The following CNMD variants were observed in gnomAD, a reference collection of about 807,000 sequenced individuals.
CNMD encodes the protein leukocyte cell-derived chemotaxin 1.
CNMD carries 30 observed loss-of-function variants against 37.5 expected under a neutral mutation model. The ratio of observed to expected loss-of-function variants is 0.80; its 90% CI spans 0.60 to 1.09. The LOEUF (loss-of-function observed/expected upper bound fraction) is 1.09, where lower values mean the gene tolerates loss of function less well. CNMD is among the 50% of genes least tolerant of loss of function. CNMD has a pLI of 0.00. For synonymous variants in CNMD, 167 were observed against 148.2 expected (o/e 1.13, Z -0.92); for missense variants, 398 against 423.9 (o/e 0.94, Z 0.54).
At chr13:52,706,506 G>A (rs1964176485) in intron 6 of CNMD, among the ~76,000 whole-genome samples, 3 of 152,166 alleles carry the variant, frequency 2.0e-5, no homozygotes, top group Admixed American at 2.0e-4. Context: ...TGTAAGTCAT[G>A]TACAAGATTG....
At chr13:52,735,574 A>G (rs1392321941) in intron 2 of CNMD, among the ~76,000 whole-genome samples, 1 of 152,002 alleles carries the variant, frequency 6.6e-6, no homozygotes, top group Admixed American at 6.6e-5. Flanking sequence ...AGGTGCAGGG[A>G]TAGCCAATCT....
intron 4 of CNMD, 21 bp from the exon 5 acceptor site, chr13:52,712,890 A>C (rs1294147767): frequency 6.6e-7 from 1 of 1,522,662 alleles, no homozygotes; most frequent in Admixed American, 2.1e-5. Context: ...AAACGATTGC[A>C]TTTGAGCAAA....
At chr13:52,721,479 GTATCT>G (rs1303189897) in intron 4 of CNMD, among the ~76,000 whole-genome samples, 1 of 152,248 alleles carries the variant, frequency 6.6e-6, no homozygotes, top group East Asian at 1.9e-4. Flanking sequence ...GAAAAGCATA[GTATCT>G]GGGCTGGAAG....
chr13:52,731,060 T>C (rs780084876), intron 3 of CNMD, among the ~76,000 whole-genome samples: 26 of 152,154 alleles, frequency 1.7e-4, no homozygotes, highest in Non-Finnish European at 3.2e-4. Flanking sequence ...ATGTTCACTA[T>C]TTTTCCCTGG....
At chr13:52,705,106 G>C (rs960507920) in intron 6 of CNMD, among the ~76,000 whole-genome samples, 1 of 151,836 alleles carries the variant, frequency 6.6e-6, no homozygotes, top group African/African-American at 2.4e-5. Flanking sequence ...GAAAATTATA[G>C]ATTGAACACC....
In CNMD at chr13:52,703,520, C is replaced by A; in HGVS notation, c.*75G>T. On this transcript the variant is annotated 3_prime_UTR_variant, in exon 7 of 7. Transcript: ENST00000377962. ...AAATATTTTGTGGTCCTATCAGCAT[C>A]AACCTGCCTTAATGCTTCTTTGGTT... The A allele has an allele frequency of 1.9e-6, 2 of 1,038,770 alleles. No homozygotes were observed. Among genetic ancestry groups the A allele is most frequent in the Admixed American group, 1.8e-5 (1 of 55,486 alleles). The allele number at this position is 1,038,770 out of a possible 1,614,324, so 64.3% of individuals were successfully genotyped here. A position where few individuals can be genotyped will look rare whatever the true frequency, so the allele number is the denominator to read the frequency against.
Position 52,703,355 on chromosome 13 carries a change from A to C in CNMD, c.*240T>G, listed in dbSNP as rs1964115185. On this transcript the variant is annotated 3_prime_UTR_variant, in exon 7 of 7. Transcript: ENST00000377962. Reference sequence around the variant, plus strand: ...ACTTATGGCAAAGCAATGCAAATAAAAAATAACAAATAATAAAGGGGTTAT... The same window carrying C: ...ACTTATGGCAAAGCAATGCAAATAACAAATAACAAATAATAAAGGGGTTAT... The C allele has an allele frequency of 2.5e-6, 1 of 400,174 alleles. No individual in the cohort carries two copies. The highest frequency in any genetic ancestry group is 4.5e-6 in the Non-Finnish European group (1 of 223,380). 24.8% of individuals were successfully genotyped at this position (400,174 alleles called of 1,614,324 possible). A position where few individuals can be genotyped will look rare whatever the true frequency, so the allele number is the denominator to read the frequency against.
chr13:52,711,566 GC>G (rs1399497548), intron 5 of CNMD, among the ~76,000 whole-genome samples: 2 of 152,238 alleles, frequency 1.3e-5, no homozygotes, highest in Admixed American at 1.3e-4. Flanking sequence ...GTGGCTTGTC[GC>G]TGAATCCTAT....
chr13:52,715,804 A>G (rs9526987), intron 4 of CNMD, among the ~76,000 whole-genome samples: 6,179 of 152,274 alleles, frequency 0.041, 150 homozygotes, highest in South Asian at 0.064. Context: ...TAGTGCTGCA[A>G]TAAGCATACA....
At chr13:52,735,552 G>A (rs1390647522) in intron 2 of CNMD, among the ~76,000 whole-genome samples, 1 of 152,010 alleles carries the variant, frequency 6.6e-6, no homozygotes, top group African/African-American at 2.4e-5. Flanking sequence ...TCCCCAGAAA[G>A]CCTCCCTAAC....
intron 3 of CNMD, among the ~76,000 whole-genome samples, chr13:52,730,720 AG>A (rs1964651921): frequency 6.6e-6 from 1 of 152,156 alleles, no homozygotes; most frequent in Non-Finnish European, 1.5e-5. Context: ...ATTCAGTCCA[AG>A]GGGGTTGGCT....
intron 4 of CNMD, among the ~76,000 whole-genome samples, chr13:52,718,075 G>A (rs1449490419): frequency 6.6e-6 from 1 of 152,142 alleles, no homozygotes; most frequent in Non-Finnish European, 1.5e-5. Context: ...TCTTGGGAGG[G>A]TGTATGTGTC....
intron 3 of CNMD, among the ~76,000 whole-genome samples, chr13:52,725,010 G>A (rs9536258): frequency 0.026 from 3,969 of 152,296 alleles, 69 homozygotes; most frequent in Non-Finnish European, 0.044. Flanking sequence ...CATAGTCAGG[G>A]GAGGTGACTC....
intron 5 of CNMD, among the ~76,000 whole-genome samples, chr13:52,710,582 TTTTA>T (rs1035612970): frequency 7.9e-5 from 12 of 152,238 alleles, no homozygotes; most frequent in Non-Finnish European, 1.8e-4. Flanking sequence ...AGTGTGGTGC[TTTTA>T]TTAGAATTAG....
rs185332784 is a variant in CNMD at position 52,739,734 on chromosome 13, C to A, written c.-33G>T. ...GCGGGAGGAGTGAGGCACTTGGAGA[C>A]TCCCTGGGCACCCTGGGATCTGTCC... is the stretch of plus-strand genomic sequence containing the variant. On this transcript the variant is annotated 5_prime_UTR_variant, in exon 1 of 7. Coordinates refer to ENST00000377962, the MANE Select transcript of CNMD (RefSeq NM_007015.3). The surrounding 1 kb of genome is among the most constrained non-coding windows in gnomAD (Gnocchi z 5.4). The A allele has an allele frequency of 6.7e-5, 106 of 1,584,968 alleles. No individual in the cohort carries two copies. Among genetic ancestry groups the A allele is most frequent in the Non-Finnish European group, 8.9e-5 (103 of 1,153,890 alleles).
chr13:52,733,240 A>C lies in CNMD; in HGVS notation c.333T>G (p.Ile111Met), dbSNP rs765408141. The C allele has an allele frequency of 6.8e-6, 11 of 1,614,070 alleles. No individual in the cohort carries two copies. Among genetic ancestry groups the C allele is most frequent in the African/African-American group, 1.3e-5 (1 of 74,952 alleles). Reference protein sequence around the residue: ...FKMGSGAEEAIAVNDFQNGIT... With the variant: ...FKMGSGAEEAMAVNDFQNGIT... ...TTACATTCTGGAAATCATTAACTGCAATTGCTTCTTCAGCTCCACTTCCCA... is the reference window on the plus strand; with the variant it reads ...TTACATTCTGGAAATCATTAACTGCCATTGCTTCTTCAGCTCCACTTCCCA... Residue 111 changes from isoleucine to methionine, a missense_variant, in exon 3 of 7, where the codon ATT becomes ATG. Physicochemically the swap from Ile to Met is conservative, Grantham distance 10 (BLOSUM62 1). Coordinates refer to ENST00000377962, the MANE Select transcript of CNMD (RefSeq NM_007015.3).
chr13:52,706,496 T>C (rs1020693837), intron 6 of CNMD, among the ~76,000 whole-genome samples: 1 of 152,186 alleles, frequency 6.6e-6, no homozygotes, highest in African/African-American at 2.4e-5. Flanking sequence ...CTCATAATCC[T>C]GTAAGTCATG....
intron 5 of CNMD, among the ~76,000 whole-genome samples, chr13:52,711,423 C>A (rs1253835649): frequency 1.3e-5 from 2 of 152,212 alleles, no homozygotes; most frequent in African/African-American, 4.8e-5. Context: ...AACAGCACAG[C>A]CCATTTGGCA....
chr13:52,703,824 GAT>G lies in CNMD; in HGVS notation c.790-16_790-15del, dbSNP rs1210575567. ...CCCTTCCTGCTGCTGTGAAATAAAAGATAATTATTTGTGATAACTGCATAGTG... is the reference window on the plus strand; with the variant it reads ...CCCTTCCTGCTGCTGTGAAATAAAAGAATTATTTGTGATAACTGCATAGTG... On this transcript the variant is annotated splice_polypyrimidine_tract_variant and intron_variant, in intron 6 of 6. Transcript: ENST00000377962. 2 of 1,599,860 alleles carry G rather than the reference GAT, an allele frequency of 1.3e-6. No individual in the cohort carries two copies. Among genetic ancestry groups the G allele is most frequent in the African/African-American group, 2.7e-5 (2 of 74,800 alleles).
Sources: allele counts gnomAD v4.1 joint callset (sites outside exome capture counted in the v4.1 genomes callset), GRCh38; gene constraint gnomAD v4.1.1; non-coding constraint Gnocchi (gnomAD v3.1); transcripts MANE v1.5; gene names NCBI Gene and HGNC (gene_info 2026-07-23, HGNC 2026-07-21).